Variants in NTM observed in about 807,000 individuals in gnomAD.
NTM encodes IgLON family member 2.
A neutral mutation model predicts 42.1 loss-of-function variants in NTM; 13 were observed. The ratio of observed to expected loss-of-function variants is 0.31; its 90% CI spans 0.20 to 0.49. The LOEUF (loss-of-function observed/expected upper bound fraction) is 0.49, where lower values mean the gene tolerates loss of function less well. Ranked by LOEUF, NTM falls within the 20% of genes least tolerant of loss-of-function variation. The pLI, the probability that NTM is intolerant of heterozygous loss-of-function variation, is 0.99. For missense variants in NTM, 373 were observed against 452.8 expected (o/e 0.82, Z 1.60); for synonymous variants, 187 against 179.2 (o/e 1.04, Z -0.35).
chr11:132,254,445 C>T lies in NTM; in HGVS notation c.526+42298C>T, dbSNP rs568229793. Reference sequence around the variant, plus strand: ...CTCCTTTTCCCCACGTCTCTGTACACACCCACTGTGAATGCACTTTGTTTT... The same window carrying T: ...CTCCTTTTCCCCACGTCTCTGTACATACCCACTGTGAATGCACTTTGTTTT... On this transcript the variant is annotated intron_variant, in intron 4 of 8. Coordinates refer to ENST00000683400, the MANE Select transcript of NTM (RefSeq NM_001352005.2). Among the ~76,000 whole-genome samples the T allele has an allele frequency of 5.6e-3, 854 of 151,968 alleles. 9 individuals carry two copies. Among genetic ancestry groups the T allele is most frequent in the Non-Finnish European group, 9.3e-3 (635 of 68,002 alleles).
intron 4 of NTM, among the ~76,000 whole-genome samples, chr11:132,295,555 A>G (rs966780378): frequency 7.2e-5 from 11 of 152,246 alleles, no homozygotes; most frequent in Admixed American, 6.5e-4. Context: ...TTTGAATGTG[A>G]CGAAAGGGTT....
chr11:131,790,716 C>G (rs1449627733), intron 1 of NTM, among the ~76,000 whole-genome samples: 1 of 152,204 alleles, frequency 6.6e-6, no homozygotes, highest in Non-Finnish European at 1.5e-5. Flanking sequence ...TGGCTAATAT[C>G]TAGTCCTCTT....
At chr11:131,460,920 A>T (rs7101964) in intron 1 of NTM, among the ~76,000 whole-genome samples, 34,650 of 152,228 alleles carry the variant, frequency 0.23, 4,587 homozygotes, top group Non-Finnish European at 0.3. Context: ...TGCAGAGGAT[A>T]TTCAAGTATT....
chr11:131,874,215 C>T (rs1340563117), intron 1 of NTM, among the ~76,000 whole-genome samples: 1 of 151,066 alleles, frequency 6.6e-6, no homozygotes, highest in Non-Finnish European at 1.5e-5. Flanking sequence ...CATCACCTCT[C>T]CTGCACACAA....
At chr11:131,721,735 A>T (rs1482611498) in intron 1 of NTM, among the ~76,000 whole-genome samples, 2 of 152,086 alleles carry the variant, frequency 1.3e-5, no homozygotes, top group African/African-American at 4.8e-5. Context: ...AGTGGCTCAC[A>T]CCTGTAATCC....
intron 1 of NTM, among the ~76,000 whole-genome samples, chr11:131,659,440 G>A (rs2067659847): frequency 6.6e-6 from 1 of 152,194 alleles, no homozygotes; most frequent in South Asian, 2.1e-4. Context: ...GACCCTGTAT[G>A]CTGAGCCCTC....
At chr11:131,476,148 A>T (rs1952917024) in intron 1 of NTM, among the ~76,000 whole-genome samples, 1 of 152,156 alleles carries the variant, frequency 6.6e-6, no homozygotes, top group Non-Finnish European at 1.5e-5. Context: ...CTAAATCTAT[A>T]CTTACTCTTT....
intron 1 of NTM, among the ~76,000 whole-genome samples, chr11:131,532,176 A>AT (rs1231344596): frequency 6.6e-6 from 1 of 152,096 alleles, no homozygotes; most frequent in African/African-American, 2.4e-5. Flanking sequence ...CATCTCCAGA[A>AT]TTTTTTTTAA....
intron 1 of NTM, chr11:131,794,416 C>T: frequency 1.1e-6 from 1 of 903,468 alleles, no homozygotes. Context: ...TCTACATGCT[C>T]CGTAGTTTCT....
intron 1 of NTM, chr11:131,911,121 G>A: frequency 8.1e-7 from 1 of 1,229,036 alleles, no homozygotes; most frequent in Non-Finnish European, 1.0e-6. Context: ...CCTCTCCAAA[G>A]TGCCGTGTCT....
intron 1 of NTM, among the ~76,000 whole-genome samples, chr11:131,485,315 A>C (rs1386494237): frequency 1.3e-5 from 2 of 152,156 alleles, no homozygotes; most frequent in Non-Finnish European, 2.9e-5. Context: ...GGGGCAGGGG[A>C]AATTTGGGAT....
chr11:131,770,566 C>T (rs969242087), intron 1 of NTM, among the ~76,000 whole-genome samples: 3 of 152,144 alleles, frequency 2.0e-5, no homozygotes, highest in Non-Finnish European at 2.9e-5. Flanking sequence ...CTTGCCTTCA[C>T]TGAGTTATAA....
chr11:131,383,747 A>G (rs1942979049), intron 1 of NTM, among the ~76,000 whole-genome samples: 1 of 152,208 alleles, frequency 6.6e-6, no homozygotes, highest in South Asian at 2.1e-4. Flanking sequence ...TGAGAGTAAC[A>G]TGACCACATT....
At chr11:131,459,713 A>G (rs543902198) in intron 1 of NTM, among the ~76,000 whole-genome samples, 1 of 152,312 alleles carries the variant, frequency 6.6e-6, no homozygotes, top group South Asian at 2.1e-4. Flanking sequence ...TAGTTGAATG[A>G]CAGTCCTGAT....
At chr11:131,964,405 C>A (rs1281512319) in intron 2 of NTM, among the ~76,000 whole-genome samples, 1 of 152,138 alleles carries the variant, frequency 6.6e-6, no homozygotes, top group African/African-American at 2.4e-5. Flanking sequence ...GATATCACAG[C>A]AGCCTCTAAA....
At chr11:131,379,138 C>T (rs1942335573) in intron 1 of NTM, among the ~76,000 whole-genome samples, 1 of 152,180 alleles carries the variant, frequency 6.6e-6, no homozygotes, top group Admixed American at 6.5e-5. Flanking sequence ...GCCAGACAAC[C>T]CCTGATTCAC....
Position 131,992,000 on chromosome 11 carries a change from T to C in NTM, c.167+80352T>C, listed in dbSNP as rs568425896. Among the ~76,000 whole-genome samples, 15 of 152,310 alleles carry C rather than the reference T, an allele frequency of 9.8e-5. No homozygotes were observed. In the South Asian group the frequency reaches 2.9e-3, roughly 30 times the overall value. The stretch of plus-strand genomic sequence containing the variant: ...TATATGGAAACCTACTCAATCTAAC[T>C]TGGGAAAGAAAGGAAAACCTGATGA... On this transcript the variant is annotated intron_variant, in intron 2 of 8. Transcript: ENST00000683400.
chr11:131,743,475 A>G (rs2081427393), intron 1 of NTM, among the ~76,000 whole-genome samples: 1 of 152,192 alleles, frequency 6.6e-6, no homozygotes, highest in South Asian at 2.1e-4. Context: ...AAATTATACC[A>G]CTAGAACCTT....
chr11:132,156,984 C>A (rs2073330107), intron 3 of NTM, among the ~76,000 whole-genome samples: 1 of 152,286 alleles, frequency 6.6e-6, no homozygotes, highest in South Asian at 2.1e-4. Context: ...TGGCCACAAG[C>A]CAAAGAATGC....
Sources: allele counts gnomAD v4.1 joint callset (sites outside exome capture counted in the v4.1 genomes callset), GRCh38; gene constraint gnomAD v4.1.1; transcripts MANE v1.5; gene names NCBI Gene and HGNC (gene_info 2026-07-23, HGNC 2026-07-21).